Variants in FNDC3B observed in about 807,000 individuals in gnomAD.
FNDC3B encodes the protein fibronectin type III domain containing 3B, also known as fibronectin type III domain-containing protein 3B.
In FNDC3B, 12 loss-of-function variants were observed where a neutral mutation model predicts 151.5. The ratio of observed to expected loss-of-function variants is 0.08; its 90% CI spans 0.05 to 0.13. The LOEUF is 0.13. Ranked by LOEUF, FNDC3B falls within the 10% of genes least tolerant of loss-of-function variation. FNDC3B has a pLI of 1.00. For missense variants in FNDC3B, 1,214 were observed against 1,505.3 expected (o/e 0.81, Z 3.20); for synonymous variants, 528 against 549.0 (o/e 0.96, Z 0.54).
chr3:172,200,957 CTA>C (rs1262476971), intron 3 of FNDC3B, among the ~76,000 whole-genome samples: 1 of 152,122 alleles, frequency 6.6e-6, no homozygotes, highest in Non-Finnish European at 1.5e-5. Flanking sequence ...AACAAAAGAG[CTA>C]TCTTTGTGGC....
chr3:172,286,996 C>T (rs879178277), intron 7 of FNDC3B, among the ~76,000 whole-genome samples: 4 of 152,114 alleles, frequency 2.6e-5, no homozygotes, highest in Admixed American at 2.6e-4. Context: ...AGAGCCATTC[C>T]AGAGATAGAA....
At chr3:172,167,964 G>T (rs984736341) in intron 3 of FNDC3B, among the ~76,000 whole-genome samples, 4 of 152,212 alleles carry the variant, frequency 2.6e-5, no homozygotes, top group African/African-American at 9.7e-5. Flanking sequence ...GACCACTGTT[G>T]TGAGATCATT....
intron 5 of FNDC3B, among the ~76,000 whole-genome samples, chr3:172,250,920 G>A (rs1000495920): frequency 3.9e-5 from 6 of 152,066 alleles, no homozygotes; most frequent in African/African-American, 1.4e-4. Flanking sequence ...GGGTTCAAGC[G>A]ATTCTCCTGC....
chr3:172,282,559 A>G (rs747116539), intron 6 of FNDC3B, among the ~76,000 whole-genome samples: 12 of 152,168 alleles, frequency 7.9e-5, no homozygotes, highest in Non-Finnish European at 1.3e-4. Context: ...CTTTCTTCAT[A>G]TACATTCCCA....
chr3:172,380,826 G>C, intron 24 of FNDC3B, 140 bp from the exon 25 acceptor site: 1 of 873,156 alleles, frequency 1.1e-6, no homozygotes, highest in South Asian at 1.6e-5. Context: ...TTTATGAGAG[G>C]CTGGGCAAAT....
At chr3:172,121,050 C>T (rs1335348548) in intron 2 of FNDC3B, among the ~76,000 whole-genome samples, 1 of 152,172 alleles carries the variant, frequency 6.6e-6, no homozygotes, top group Non-Finnish European at 1.5e-5. Flanking sequence ...ACAGAAGTTG[C>T]AGCCATTTGC....
At chr3:172,386,954 T>G (rs1735746023) in intron 25 of FNDC3B, among the ~76,000 whole-genome samples, 1 of 152,034 alleles carries the variant, frequency 6.6e-6, no homozygotes, top group South Asian at 2.1e-4. Context: ...TATTTTAAAG[T>G]CTTGGAGCCT....
intron 3 of FNDC3B, among the ~76,000 whole-genome samples, chr3:172,142,536 T>C (rs1683941115): frequency 6.6e-6 from 1 of 152,228 alleles, no homozygotes; most frequent in Non-Finnish European, 1.5e-5. Flanking sequence ...ATTTCACAGC[T>C]TGTAGTCTTT....
At chr3:172,237,249 G>A (rs1727216181) in intron 4 of FNDC3B, 1 of 152,188 alleles carries the variant, frequency 6.6e-6, no homozygotes. Flanking sequence ...TTTGTTAACT[G>A]GAGCTAACCC....
intron 3 of FNDC3B, among the ~76,000 whole-genome samples, chr3:172,199,185 TA>T (rs1413584584): frequency 4.1e-5 from 6 of 145,804 alleles, no homozygotes; most frequent in Admixed American, 1.4e-4. Flanking sequence ...TTTTATTTTT[TA>T]TTTTTTTTTT....
intron 3 of FNDC3B, among the ~76,000 whole-genome samples, chr3:172,192,281 T>G (rs917515279): frequency 2.0e-5 from 3 of 151,520 alleles, no homozygotes; most frequent in African/African-American, 7.3e-5. Flanking sequence ...CAAGCGATTC[T>G]CCTGCCTCAG....
intron 1 of FNDC3B, among the ~76,000 whole-genome samples, chr3:172,080,312 T>G (rs1164721953): frequency 5.3e-5 from 8 of 152,120 alleles, no homozygotes; most frequent in African/African-American, 1.7e-4. Flanking sequence ...GCTTTGTCAC[T>G]CAGGCTGGGG....
At position 172,172,491 on chromosome 3, in the gene FNDC3B, T is replaced by G. The variant is rs1723335297; in HGVS notation, c.187+38945T>G. ...GAGGGATAATTCAAAGATCCTTTTT[T>G]GTTGTCATTGTTCCTGGGGGAATAT... On this transcript the variant is annotated intron_variant, in intron 3 of 25. Transcript: ENST00000415807. Among the ~76,000 whole-genome samples, 3 of 152,198 alleles carry G rather than the reference T, an allele frequency of 2.0e-5. No individual in the cohort carries two copies. In the South Asian group the frequency reaches 6.2e-4, roughly 31 times the overall value.
intron 3 of FNDC3B, among the ~76,000 whole-genome samples, chr3:172,213,729 A>G (rs1725841479): frequency 6.6e-6 from 1 of 152,186 alleles, no homozygotes; most frequent in East Asian, 1.9e-4. Flanking sequence ...GCCTTTCCAG[A>G]TTAGCAAACC....
At chr3:172,162,789 G>A (rs189952049) in intron 3 of FNDC3B, among the ~76,000 whole-genome samples, 2 of 151,708 alleles carry the variant, frequency 1.3e-5, no homozygotes, top group Non-Finnish European at 2.9e-5. Context: ...GCTATGATAT[G>A]GCTCTGAGCT....
At chr3:172,342,068 T>C (rs620798) in intron 17 of FNDC3B, among the ~76,000 whole-genome samples, 116,873 of 152,180 alleles carry the variant, frequency 0.77, 45,061 homozygotes, top group East Asian at 0.85. Flanking sequence ...TACAGCCCTG[T>C]GCTGGGTTGA....
At chr3:172,230,353 A>AAAT (rs1726826612) in intron 4 of FNDC3B, among the ~76,000 whole-genome samples, 1 of 151,526 alleles carries the variant, frequency 6.6e-6, no homozygotes, top group African/African-American at 2.4e-5. Context: ...AAAAAAAAAA[A>AAAT]ATTAGCCAAG....
At chr3:172,245,543 A>G (rs184460524) in intron 4 of FNDC3B, among the ~76,000 whole-genome samples, 2 of 152,268 alleles carry the variant, frequency 1.3e-5, no homozygotes, top group East Asian at 1.9e-4. Context: ...AGATCGTAGG[A>G]AAAAAATCAT....
chr3:172,089,910 G>A (rs1000681609), intron 1 of FNDC3B, among the ~76,000 whole-genome samples: 1 of 152,100 alleles, frequency 6.6e-6, no homozygotes, highest in Non-Finnish European at 1.5e-5. Context: ...TTTTTACAAC[G>A]TTAATGACAA....
Sources: allele counts gnomAD v4.1 joint callset (sites outside exome capture counted in the v4.1 genomes callset), GRCh38; gene constraint gnomAD v4.1.1; transcripts MANE v1.5; gene names NCBI Gene and HGNC (gene_info 2026-07-23, HGNC 2026-07-21).